Variants in SLC1A6 observed in about 807,000 individuals in gnomAD.
The protein encoded by SLC1A6 is excitatory amino acid transporter 4.
SLC1A6 carries 15 observed loss-of-function variants against 42.1 expected under a neutral mutation model. That is an observed-to-expected ratio of 0.36 (90% CI 0.24 to 0.55). SLC1A6 has a LOEUF of 0.55. Ranked by LOEUF, SLC1A6 falls within the 20% of genes least tolerant of loss-of-function variation. The pLI is 0.88. For synonymous variants in SLC1A6, 317 were observed against 319.7 expected (o/e 0.99, Z 0.09); for missense variants, 542 against 772.5 (o/e 0.70, Z 3.54).
chr19:14,981,006 A>C (rs1411584796), upstream of SLC1A6, among the ~76,000 whole-genome samples: 1 of 152,082 alleles, frequency 6.6e-6, no homozygotes, highest in African/African-American at 2.4e-5. Context: ...AAAAATTCTG[A>C]AGCCAGCCTG....
intron 2 of SLC1A6, 46 bp downstream of exon 2, chr19:14,972,660 C>T (rs764670740): frequency 6.5e-7 from 1 of 1,540,542 alleles, no homozygotes; most frequent in Non-Finnish European, 9.0e-7. Flanking sequence ...TCCCTGAAGT[C>T]CCCGCCTTTC....
At chr19:14,998,576 A>G (rs2045857798) in intron 1 of SLC1A6, among the ~76,000 whole-genome samples, 1 of 152,082 alleles carries the variant, frequency 6.6e-6, no homozygotes. Context: ...AACAACAACA[A>G]CAAAAAAAGC....
At chr19:14,952,354 C>T (rs1043160680) in intron 9 of SLC1A6, among the ~76,000 whole-genome samples, 1 of 151,562 alleles carries the variant, frequency 6.6e-6, no homozygotes, top group Non-Finnish European at 1.5e-5. Flanking sequence ...CGAGACCATC[C>T]TGGCTAACAT....
chr19:14,988,817 C>T (rs538328332), intron 1 of SLC1A6, among the ~76,000 whole-genome samples: 81 of 152,116 alleles, frequency 5.3e-4, no homozygotes, highest in African/African-American at 1.2e-3. Context: ...GAGTAGGAGA[C>T]GACCAGCCTG....
intron 5 of SLC1A6, 158 bp downstream of exon 5, chr19:14,964,161 C>T: frequency 1.5e-6 from 1 of 661,232 alleles, no homozygotes; most frequent in Non-Finnish European, 2.8e-6. Context: ...CCCAGATCAC[C>T]ATGGAAAATA....
chr19:14,990,612 A>C (rs1322131233), intron 1 of SLC1A6, among the ~76,000 whole-genome samples: 5 of 152,216 alleles, frequency 3.3e-5, no homozygotes, highest in Middle Eastern at 3.4e-3. Flanking sequence ...TCTAGTAAAA[A>C]TACAAAATTA....
rs188725651 is a variant in SLC1A6, at chr19:14,989,020, A to C, written c.7-16103T>G. 5.2e-3 allele frequency among the ~76,000 whole-genome samples: 789 copies of C among 152,244 alleles called. 3 individuals carry two copies. The highest frequency in any genetic ancestry group is 0.01 in the Middle Eastern group (3 of 294). The stretch of plus-strand genomic sequence containing the variant: ...AGCAACAGAGCAAGATCCTGTCTTT[A>C]AAAAAAGAAGGAAGAAAGTCAAATA... On this transcript the variant is annotated intron_variant, in intron 1 of 8. Transcript: ENST00000430939.
chr19:14,985,119 T>C (rs2045786977), intron 1 of SLC1A6, among the ~76,000 whole-genome samples: 2 of 152,234 alleles, frequency 1.3e-5, no homozygotes, highest in Non-Finnish European at 2.9e-5. Flanking sequence ...TGACCTTAGG[T>C]GATCCGCCCG....
intron 6 of SLC1A6, among the ~76,000 whole-genome samples, chr19:14,958,361 A>G (rs1181227086): frequency 6.6e-6 from 1 of 151,936 alleles, no homozygotes; most frequent in Non-Finnish European, 1.5e-5. Context: ...CAGTGAGCTG[A>G]GATCACATCA....
Position 14,954,336 on chromosome 19 carries a change from G to A in SLC1A6, c.1170-7C>T, listed in dbSNP as rs1407417868. The A allele has an allele frequency of 1.2e-6, 2 of 1,604,480 alleles. No individual in the cohort carries two copies. The highest frequency in any genetic ancestry group is 1.3e-5 in the African/African-American group (1 of 75,038). On this transcript the variant is annotated splice_region_variant and splice_polypyrimidine_tract_variant and intron_variant, in intron 7 of 9. Transcript: ENST00000594383. Reference sequence around the variant, plus strand: ...GATGGGCAGCGTTGCCGAGCTGGGGGAAAGAGCCCAGGACTGAGGATGGGG... The same window carrying A: ...GATGGGCAGCGTTGCCGAGCTGGGGAAAAGAGCCCAGGACTGAGGATGGGG...
At chr19:15,003,123 C>T (rs1428588139) in intron 1 of SLC1A6, among the ~76,000 whole-genome samples, 4 of 152,128 alleles carry the variant, frequency 2.6e-5, no homozygotes, top group Non-Finnish European at 5.9e-5. Flanking sequence ...GGATTACAGG[C>T]ATGTGCCACC....
At position 14,973,040 on chromosome 19, in the gene SLC1A6, T is replaced by C. The variant is rs964755689; in HGVS notation, c.-7-123A>G. 6.8e-6 allele frequency: 5 copies of C among 731,824 alleles called. No homozygotes were observed. The Admixed American group carries it at 1.5e-4, about 22-fold the overall frequency. The allele number at this position is 731,824 out of a possible 1,614,324, so 45.3% of individuals were successfully genotyped here. ...AGGACTCTCAGAAGGCGGGGGTGGC[T>C]GGGTGTTTTGGCTCACGCCTGTAAT... On this transcript the variant is annotated intron_variant, in intron 1 of 9. Coordinates refer to ENST00000594383, the MANE Select transcript of SLC1A6 (RefSeq NM_005071.3).
At chr19:15,010,579 G>A in exon 1 of SLC1A6, 1 of 658,290 alleles carries the variant, frequency 1.5e-6, no homozygotes, top group Non-Finnish European at 2.8e-6. Flanking sequence ...ACGGCGAGAA[G>A]GATGCTAGAT....
intron 1 of SLC1A6, among the ~76,000 whole-genome samples, chr19:14,999,216 C>T (rs1001222855): frequency 1.3e-5 from 2 of 152,134 alleles, no homozygotes; most frequent in Non-Finnish European, 2.9e-5. Context: ...AAGCCTGCTA[C>T]CTGGTGGCTT....
At chr19:15,000,296 G>A (rs977200089) in intron 1 of SLC1A6, among the ~76,000 whole-genome samples, 12 of 152,086 alleles carry the variant, frequency 7.9e-5, no homozygotes, top group Non-Finnish European at 1.5e-4. Flanking sequence ...TAGTTGCCAC[G>A]ATGTATAACA....
At chr19:14,997,988 T>G (rs1034962942) in intron 1 of SLC1A6, among the ~76,000 whole-genome samples, 16 of 136,550 alleles carry the variant, frequency 1.2e-4, no homozygotes, top group African/African-American at 4.1e-4. Context: ...ATATTTATGA[T>G]GTACAATATG....
At chr19:14,973,224 C>T in intron 1 of SLC1A6, 1 of 335,130 alleles carries the variant, frequency 3.0e-6, no homozygotes, top group Non-Finnish European at 5.4e-6. Flanking sequence ...TATGATCTTC[C>T]CAGCCTGAGC....
At chr19:15,003,810 G>A (rs1018510709) in intron 1 of SLC1A6, among the ~76,000 whole-genome samples, 1 of 152,108 alleles carries the variant, frequency 6.6e-6, no homozygotes, top group Non-Finnish European at 1.5e-5. Context: ...AGAACAGGTG[G>A]CCCCAGCAAA....
At chr19:14,983,740 AAAGGCTGT>A (rs899965415), upstream of SLC1A6, among the ~76,000 whole-genome samples, 1 of 151,056 alleles carries the variant, frequency 6.6e-6, no homozygotes, top group Non-Finnish European at 1.5e-5. Flanking sequence ...AAAAAAAAAA[AAAGGCTGT>A]AAGGCTGTAA....
Sources: gnomAD v4.1 joint callset for allele counts (sites outside exome capture counted in the v4.1 genomes callset) on GRCh38, gnomAD v4.1.1 for gene constraint, MANE v1.5 for transcripts, NCBI Gene and HGNC (gene_info 2026-07-23, HGNC 2026-07-21) for gene names.